The following LYPLAL1 variants were observed in gnomAD, a reference collection of about 807,000 sequenced individuals.
LYPLAL1 encodes the protein lysophospholipase like 1.
Under a neutral mutation model 19.7 loss-of-function variants are expected in LYPLAL1, and 23 were observed. The observed-to-expected ratio is 1.17, with a 90% CI of 0.84 to 1.65. The LOEUF is 1.65. LYPLAL1 is among the 40% of genes most tolerant of loss of function. The probability of loss-of-function intolerance (pLI) is 0.00; values close to 1 mark genes in which losing one functional copy is unlikely to be tolerated. For synonymous variants in LYPLAL1, 119 were observed against 96.3 expected (o/e 1.24, Z -1.38); for missense variants, 355 against 279.4 (o/e 1.27, Z -1.93).
the LYPLAL1 span, among the ~76,000 whole-genome samples, chr1:219,377,372 G>A: frequency 6.6e-6 from 1 of 152,130 alleles, no homozygotes; most frequent in South Asian, 2.1e-4. Context: ...TGGGTATAGA[G>A]TTTCAGTTTG....
At chr1:219,368,703 G>A in the LYPLAL1 span, among the ~76,000 whole-genome samples, 1 of 152,088 alleles carries the variant, frequency 6.6e-6, no homozygotes, top group South Asian at 2.1e-4. Flanking sequence ...AATTCAAACT[G>A]TAACAATTCT....
At chr1:219,184,776 G>T (rs949545545) in intron 2 of LYPLAL1, among the ~76,000 whole-genome samples, 7 of 151,678 alleles carry the variant, frequency 4.6e-5, no homozygotes, top group Non-Finnish European at 1.0e-4. Context: ...TACATTCCTG[G>T]GATAAACCCT....
chr1:219,403,205 G>A, the LYPLAL1 span, among the ~76,000 whole-genome samples: 6 of 152,136 alleles, frequency 3.9e-5, no homozygotes, highest in Non-Finnish European at 8.8e-5. Flanking sequence ...CCAGTTTTTG[G>A]GTTAAGTTCT....
the LYPLAL1 span, among the ~76,000 whole-genome samples, chr1:219,306,529 G>A: frequency 6.6e-6 from 1 of 152,090 alleles, no homozygotes; most frequent in Non-Finnish European, 1.5e-5. Flanking sequence ...ATATCAACAT[G>A]GGACATAAGT....
At chr1:219,223,731 G>A in the LYPLAL1 span, among the ~76,000 whole-genome samples, 1 of 151,986 alleles carries the variant, frequency 6.6e-6, no homozygotes, top group African/African-American at 2.4e-5. Context: ...GAGCTTCTGG[G>A]ATCTTTTATT....
the LYPLAL1 span, among the ~76,000 whole-genome samples, chr1:219,398,273 C>A: frequency 6.6e-6 from 1 of 151,976 alleles, no homozygotes; most frequent in Non-Finnish European, 1.5e-5. Flanking sequence ...TTTCTCTATT[C>A]TTGTCTGACT....
At chr1:219,326,282 G>C in the LYPLAL1 span, among the ~76,000 whole-genome samples, 3 of 94,838 alleles carry the variant, frequency 3.2e-5, no homozygotes, top group African/African-American at 1.3e-4. Context: ...AGTTCGTGAG[G>C]GTTTTTTGTT....
At chr1:219,267,307 A>G in the LYPLAL1 span, among the ~76,000 whole-genome samples, 1 of 152,180 alleles carries the variant, frequency 6.6e-6, no homozygotes, top group Non-Finnish European at 1.5e-5. Context: ...TCATAAACTT[A>G]GTACATTTTC....
At chr1:219,223,859 T>G in the LYPLAL1 span, among the ~76,000 whole-genome samples, 1 of 152,162 alleles carries the variant, frequency 6.6e-6, no homozygotes, top group Non-Finnish European at 1.5e-5. Context: ...AATTCATAAT[T>G]GGTATTTTGT....
At chr1:219,289,733 A>C in the LYPLAL1 span, among the ~76,000 whole-genome samples, 2 of 152,174 alleles carry the variant, frequency 1.3e-5, no homozygotes, top group African/African-American at 4.8e-5. Flanking sequence ...TGTTTTAGTT[A>C]ATGCCCACAA....
chr1:219,248,539 G>A, the LYPLAL1 span, among the ~76,000 whole-genome samples: 18 of 152,028 alleles, frequency 1.2e-4, no homozygotes, highest in African/African-American at 4.3e-4. Context: ...TATAAAGCAT[G>A]CCAGGAATTA....
the LYPLAL1 span, among the ~76,000 whole-genome samples, chr1:219,305,521 T>C: frequency 6.6e-6 from 1 of 152,166 alleles, no homozygotes; most frequent in South Asian, 2.1e-4. Flanking sequence ...TTCCAAGGAC[T>C]CCATAAAATT....
the LYPLAL1 span, among the ~76,000 whole-genome samples, chr1:219,414,045 C>G: frequency 1.4e-3 from 210 of 152,220 alleles, 2 homozygotes; most frequent in Non-Finnish European, 6.0e-4. Context: ...CCCCAGACAC[C>G]ACTGAGTGCA....
intron 1 of LYPLAL1, 189 bp downstream of exon 1, chr1:219,174,170 C>CCCCCG: frequency 7.0e-7 from 1 of 1,428,484 alleles, no homozygotes; most frequent in South Asian, 1.5e-5. Flanking sequence ...CGTTAGTCTT[C>CCCCCG]CTCTTTCTAT....
chr1:219,206,905 C>A (rs934962139), intron 3 of LYPLAL1, among the ~76,000 whole-genome samples: 2 of 151,754 alleles, frequency 1.3e-5, no homozygotes, highest in Admixed American at 1.3e-4. Context: ...TACATTTTAT[C>A]TTTTAATGAT....
the LYPLAL1 span, among the ~76,000 whole-genome samples, chr1:219,236,834 G>C: frequency 6.6e-6 from 1 of 152,138 alleles, no homozygotes; most frequent in Non-Finnish European, 1.5e-5. Context: ...ATGGTGGTTT[G>C]CTGTACCTAT....
chr1:219,440,016 C>CATATATATATAT, the LYPLAL1 span, among the ~76,000 whole-genome samples: 2 of 99,466 alleles, frequency 2.0e-5, no homozygotes, highest in African/African-American at 9.9e-5. Context: ...TATATATACA[C>CATATATATATAT]ACACACACAT....
At chr1:219,394,419 A>G in the LYPLAL1 span, among the ~76,000 whole-genome samples, 1 of 152,262 alleles carries the variant, frequency 6.6e-6, no homozygotes, top group African/African-American at 2.4e-5. Flanking sequence ...CGCTATCACC[A>G]TCATCCACTC....
At chr1:219,431,006 G>A in the LYPLAL1 span, among the ~76,000 whole-genome samples, 4 of 151,984 alleles carry the variant, frequency 2.6e-5, no homozygotes, top group African/African-American at 9.7e-5. Flanking sequence ...GGGGGCTTTT[G>A]ACAATAGTTA....
Sources: gnomAD v4.1 joint callset for allele counts (sites outside exome capture counted in the v4.1 genomes callset) on GRCh38, gnomAD v4.1.1 for gene constraint, MANE v1.5 for transcripts, NCBI Gene and HGNC (gene_info 2026-07-23, HGNC 2026-07-21) for gene names.